The following SKAP1 variants were observed in gnomAD, a reference collection of about 807,000 sequenced individuals.
SKAP1 encodes src kinase associated phosphoprotein 1.
In SKAP1, 44 loss-of-function variants were observed where a neutral mutation model predicts 58.5. The observed-to-expected ratio is 0.75, with a 90% CI of 0.59 to 0.97. SKAP1 has a LOEUF of 0.97. Among genes scored for constraint, SKAP1 ranks in the 50% least tolerant of loss-of-function variants. The pLI, the probability that SKAP1 is intolerant of heterozygous loss-of-function variation, is 0.00. For synonymous variants in SKAP1, 127 were observed against 149.7 expected, an observed-to-expected ratio of 0.85 and a Z score of 1.11; for missense variants, 390 against 435.2, an observed-to-expected ratio of 0.90 and a Z score of 0.92.
intron 1 of SKAP1, among the ~76,000 whole-genome samples, chr17:48,428,283 A>G (rs561975893): frequency 6.6e-6 from 1 of 152,348 alleles, no homozygotes; most frequent in South Asian, 2.1e-4. Flanking sequence ...CTGAGCACCA[A>G]CAGAGATTGT....
chr17:48,380,666 C>T (rs1184338118), intron 2 of SKAP1, among the ~76,000 whole-genome samples: 1 of 152,098 alleles, frequency 6.6e-6, no homozygotes, highest in Non-Finnish European at 1.5e-5. Context: ...ATAAAGGAAA[C>T]AGATATTTAC....
chr17:48,328,018 G>C (rs968922503), intron 4 of SKAP1, among the ~76,000 whole-genome samples: 1 of 152,142 alleles, frequency 6.6e-6, no homozygotes, highest in East Asian at 1.9e-4. Flanking sequence ...TCACCACAAA[G>C]AGTTGAATAC....
chr17:48,184,430 A>G (rs1399985048), intron 7 of SKAP1, among the ~76,000 whole-genome samples: 1 of 152,168 alleles, frequency 6.6e-6, no homozygotes, highest in Non-Finnish European at 1.5e-5. Flanking sequence ...ATAAGTAAGG[A>G]ATTTGATTGT....
At chr17:48,213,386 C>T (rs976489256) in intron 4 of SKAP1, among the ~76,000 whole-genome samples, 12 of 146,156 alleles carry the variant, frequency 8.2e-5, no homozygotes, top group Non-Finnish European at 1.6e-4. Context: ...CTGTTGTAAA[C>T]GCCCTGCAAA....
intron 4 of SKAP1, among the ~76,000 whole-genome samples, chr17:48,208,221 GACCC>G (rs2064832008): frequency 6.6e-6 from 1 of 152,180 alleles, no homozygotes; most frequent in Admixed American, 6.5e-5. Flanking sequence ...ATGGGCGTTA[GACCC>G]ACTGGTAGAG....
rs149885979 is a variant in SKAP1 at position 48,192,264 on chromosome 17, G to A, written c.281-2764C>T. Among the ~76,000 whole-genome samples the A allele has an allele frequency of 4.1e-3, 623 of 151,996 alleles. 1 individual carries two copies. Among genetic ancestry groups the A allele is most frequent in the Non-Finnish European group, 6.0e-3 (407 of 67,938 alleles). Reference sequence around the variant, plus strand: ...GAAAACACGATCCCATAAGCTGGGAGTTTCCATCTCTTCTTTCCACAGGTT... The same window carrying A: ...GAAAACACGATCCCATAAGCTGGGAATTTCCATCTCTTCTTTCCACAGGTT... On this transcript the variant is annotated intron_variant, in intron 4 of 12. Transcript: ENST00000336915.
chr17:48,371,635 T>C (rs1260621010), intron 2 of SKAP1, among the ~76,000 whole-genome samples: 2 of 102,100 alleles, frequency 2.0e-5, no homozygotes, highest in African/African-American at 3.9e-5. Flanking sequence ...ATGGGTAACA[T>C]GGTGAAACCT....
intron 4 of SKAP1, among the ~76,000 whole-genome samples, chr17:48,241,560 C>G (rs759865070): frequency 6.6e-6 from 1 of 152,040 alleles, no homozygotes; most frequent in Non-Finnish European, 1.5e-5. Context: ...AAAAAGCAGA[C>G]CCAGATGCCT....
chr17:48,405,434 TTTC>T lies in SKAP1; in HGVS notation c.47-8652_47-8650del, dbSNP rs1567902137. ...CTTTCTTTCTTTCTTTCTTTCTTTC[TTTC>T]TTTCTTTCTTTCTTTTCTTTCTTTC... On this transcript the variant is annotated intron_variant, in intron 1 of 12. Transcript: ENST00000336915. 5.4e-3 allele frequency among the ~76,000 whole-genome samples: 450 copies of T among 83,864 alleles called. 7 individuals are homozygous for T. The highest frequency in any genetic ancestry group is 0.028 in the Middle Eastern group (5 of 176). 55.0% of individuals were successfully genotyped at this position (83,864 alleles called of 152,430 possible). A position where few individuals can be genotyped will look rare whatever the true frequency, so the allele number is the denominator to read the frequency against.
chr17:48,199,496 A>G (rs8072282), intron 4 of SKAP1, among the ~76,000 whole-genome samples: 84,951 of 151,952 alleles, frequency 0.56, 24,720 homozygotes, highest in East Asian at 0.77. Flanking sequence ...AGTTGGGAGT[A>G]CTCCTTCAGT....
chr17:48,193,678 T>C, intron 4 of SKAP1: 1 of 984,546 alleles, frequency 1.0e-6, no homozygotes, highest in Non-Finnish European at 1.2e-6. Flanking sequence ...CAGCGCAGGG[T>C]CCTACTGATC....
chr17:48,346,654 A>T (rs1433140670), intron 3 of SKAP1, among the ~76,000 whole-genome samples: 1 of 152,098 alleles, frequency 6.6e-6, no homozygotes, highest in African/African-American at 2.4e-5. Flanking sequence ...TTATATTCAT[A>T]TATACTATGT....
At chr17:48,288,938 C>T (rs2065867413) in intron 4 of SKAP1, among the ~76,000 whole-genome samples, 1 of 152,068 alleles carries the variant, frequency 6.6e-6, no homozygotes, top group Non-Finnish European at 1.5e-5. Context: ...TGGCTTCAGG[C>T]AATTGAACAG....
At chr17:48,149,003 G>C (rs1414621662) in intron 11 of SKAP1, among the ~76,000 whole-genome samples, 1 of 152,220 alleles carries the variant, frequency 6.6e-6, no homozygotes, top group Non-Finnish European at 1.5e-5. Context: ...CTTGCACCTT[G>C]CTAGAAAGCA....
At chr17:48,208,128 G>C (rs1031082013) in intron 4 of SKAP1, among the ~76,000 whole-genome samples, 1 of 152,160 alleles carries the variant, frequency 6.6e-6, no homozygotes, top group East Asian at 1.9e-4. Flanking sequence ...AGTGGAAATC[G>C]TGTTTTCAGA....
chr17:48,316,544 A>G (rs2066290462), intron 4 of SKAP1, among the ~76,000 whole-genome samples: 1 of 151,998 alleles, frequency 6.6e-6, no homozygotes, highest in South Asian at 2.1e-4. Context: ...TTAGTTTCAG[A>G]CCATTTACCA....
At chr17:48,277,184 A>C (rs1352836873) in intron 4 of SKAP1, among the ~76,000 whole-genome samples, 1 of 152,202 alleles carries the variant, frequency 6.6e-6, no homozygotes, top group African/African-American at 2.4e-5. Context: ...AATTTTCCAA[A>C]GGTTAGGAAA....
chr17:48,180,542 C>A (rs1256641149), intron 8 of SKAP1, among the ~76,000 whole-genome samples: 1 of 151,966 alleles, frequency 6.6e-6, no homozygotes, highest in Non-Finnish European at 1.5e-5. Flanking sequence ...GAACATGAGG[C>A]AAAGGGAAGA....
chr17:48,278,188 A>G (rs72827810), intron 4 of SKAP1, among the ~76,000 whole-genome samples: 12,671 of 152,138 alleles, frequency 0.083, 696 homozygotes, highest in East Asian at 0.2. Context: ...ACATTTTACC[A>G]TAATCATTTT....
Sources: allele counts gnomAD v4.1 joint callset (sites outside exome capture counted in the v4.1 genomes callset), GRCh38; gene constraint gnomAD v4.1.1; transcripts MANE v1.5; gene names NCBI Gene and HGNC (gene_info 2026-07-23, HGNC 2026-07-21).